The following DYNC1I1 variants were observed in gnomAD, a reference collection of about 807,000 sequenced individuals.
DYNC1I1 encodes the protein dynein cytoplasmic 1 intermediate chain 1.
A neutral mutation model predicts 86.6 loss-of-function variants in DYNC1I1; 43 were observed. The ratio of observed to expected loss-of-function variants is 0.50; its 90% CI spans 0.39 to 0.64. The LOEUF (loss-of-function observed/expected upper bound fraction) is 0.64. Among genes scored for constraint, DYNC1I1 ranks in the 30% least tolerant of loss-of-function variants. DYNC1I1 has a pLI of 0.00. For missense variants in DYNC1I1, 604 were observed against 788.8 expected, an observed-to-expected ratio of 0.77 and a Z score of 2.81; for synonymous variants, 262 against 283.7, an observed-to-expected ratio of 0.92 and a Z score of 0.77.
At chr7:95,872,680 T>C (rs1193710256) in intron 6 of DYNC1I1, among the ~76,000 whole-genome samples, 1 of 152,208 alleles carries the variant, frequency 6.6e-6, no homozygotes, top group Non-Finnish European at 1.5e-5. Context: ...TGAATACTGT[T>C]CTTTCAACAA....
At chr7:95,918,104 C>T (rs1046279715) in intron 6 of DYNC1I1, among the ~76,000 whole-genome samples, 4 of 152,136 alleles carry the variant, frequency 2.6e-5, no homozygotes, top group African/African-American at 9.7e-5. Flanking sequence ...TGCTGGGTGG[C>T]CTTCAGGAGG....
intron 1 of DYNC1I1, among the ~76,000 whole-genome samples, chr7:95,803,080 G>A (rs1424993679): frequency 6.6e-6 from 1 of 152,228 alleles, no homozygotes; most frequent in Admixed American, 6.5e-5. Context: ...GCACGGACAA[G>A]CTTGAATTTA....
intron 16 of DYNC1I1, among the ~76,000 whole-genome samples, chr7:96,107,622 C>G (rs1442642121): frequency 6.6e-6 from 1 of 151,586 alleles, no homozygotes; most frequent in Non-Finnish European, 1.5e-5. Flanking sequence ...ATCTCCACCT[C>G]CTGGGTTCAA....
intron 4 of DYNC1I1, among the ~76,000 whole-genome samples, chr7:95,814,660 T>A (rs931764838): frequency 4.6e-5 from 7 of 152,110 alleles, no homozygotes; most frequent in African/African-American, 1.4e-4. Flanking sequence ...GCTGTAGGGT[T>A]TTTTTGCTTT....
In DYNC1I1 at chr7:96,098,250, T is replaced by C; in HGVS notation, c.*657T>C. 1 of 985,902 alleles carries C rather than the reference T, an allele frequency of 1.0e-6. No individual in the cohort carries two copies. Among genetic ancestry groups the C allele is most frequent in the African/African-American group, 1.7e-5 (1 of 57,372 alleles). 61.1% of individuals were successfully genotyped at this position (985,902 alleles called of 1,614,324 possible). ...AGTTCCACTGAAGACATGAAATCTT[T>C]AGAGGTTTCTTGCAGTGAACGAAAT... On this transcript the variant is annotated 3_prime_UTR_variant, in exon 17 of 17. Transcript: ENST00000447467.
chr7:95,811,174 G>T (rs1221014444), intron 3 of DYNC1I1, among the ~76,000 whole-genome samples: 2 of 151,994 alleles, frequency 1.3e-5, no homozygotes, highest in Non-Finnish European at 2.9e-5. Context: ...TTGTGTTGAA[G>T]GTAACTTGTG....
chr7:96,032,715 C>G lies in DYNC1I1; in HGVS notation c.1165C>G (p.Leu389Val). Residue 389 changes from leucine (L) to valine (V), a missense_variant, in exon 12 of 17, where the codon CTC becomes GTC. Physicochemically the swap from Leu to Val is conservative, Grantham distance 32 (BLOSUM62 1). Transcript: ENST00000447467. Reference protein sequence around the residue: ...NVVGTQNAHNLITVSTDGKMC... With the variant: ...NVVGTQNAHNVITVSTDGKMC... ...TGTTGGGACCCAGAATGCTCATAACCTCATCACTGTCTCCACTGATGGCAA... is the reference window on the plus strand; with the variant it reads ...TGTTGGGACCCAGAATGCTCATAACGTCATCACTGTCTCCACTGATGGCAA... 1 of 1,613,750 alleles carries G rather than the reference C, an allele frequency of 6.2e-7. No individual in the cohort carries two copies. Among genetic ancestry groups the G allele is most frequent in the South Asian group, 1.1e-5 (1 of 91,060 alleles).
chr7:95,807,580 A>G (rs189774473), intron 2 of DYNC1I1, among the ~76,000 whole-genome samples: 1 of 152,242 alleles, frequency 6.6e-6, no homozygotes, highest in East Asian at 1.9e-4. Flanking sequence ...CTGATGGACT[A>G]CATTCTTTCT....
At chr7:95,894,452 T>G (rs1790824914) in intron 6 of DYNC1I1, among the ~76,000 whole-genome samples, 1 of 21,674 alleles carries the variant, frequency 4.6e-5, no homozygotes, top group Admixed American at 8.9e-4. Flanking sequence ...TTTCAATACC[T>G]GAATTTGGGG....
intron 1 of DYNC1I1, among the ~76,000 whole-genome samples, chr7:95,791,155 A>G: frequency 6.6e-6 from 1 of 152,178 alleles, no homozygotes; most frequent in East Asian, 1.9e-4. Context: ...TATTATTGAA[A>G]TTAAAATTAT....
chr7:96,016,172 C>A (rs936858880), intron 10 of DYNC1I1, among the ~76,000 whole-genome samples: 2 of 152,044 alleles, frequency 1.3e-5, no homozygotes, highest in African/African-American at 4.8e-5. Flanking sequence ...CCTATTCGTG[C>A]CAAATTATTT....
chr7:95,901,250 T>C (rs1221223126), intron 6 of DYNC1I1, among the ~76,000 whole-genome samples: 1 of 152,210 alleles, frequency 6.6e-6, no homozygotes, highest in African/African-American at 2.4e-5. Context: ...ACAGTTCTTT[T>C]GGAACCTGTT....
At chr7:95,784,452 T>C (rs1794075314) in intron 1 of DYNC1I1, among the ~76,000 whole-genome samples, 1 of 152,092 alleles carries the variant, frequency 6.6e-6, no homozygotes, top group Non-Finnish European at 1.5e-5. Context: ...AAGCTCATCT[T>C]GGTAGATGCT....
chr7:96,108,010 T>G (rs1791245145), intron 16 of DYNC1I1, among the ~76,000 whole-genome samples: 1 of 152,134 alleles, frequency 6.6e-6, no homozygotes, highest in African/African-American at 2.4e-5. Context: ...TTGCTGCCTT[T>G]TCCCCAATCT....
intron 6 of DYNC1I1, among the ~76,000 whole-genome samples, chr7:95,944,804 A>G (rs182678326): frequency 0.017 from 2,544 of 146,298 alleles, 46 homozygotes; most frequent in South Asian, 0.1. Flanking sequence ...ATTCTCACTC[A>G]TAGGTGGGAA....
chr7:95,952,408 T>A (rs1341181652), intron 6 of DYNC1I1, among the ~76,000 whole-genome samples: 1 of 152,158 alleles, frequency 6.6e-6, no homozygotes, highest in Non-Finnish European at 1.5e-5. Flanking sequence ...ACAGAAATCT[T>A]GAAAATGCCA....
intron 10 of DYNC1I1, among the ~76,000 whole-genome samples, chr7:96,004,923 C>T (rs969958701): frequency 6.6e-6 from 1 of 152,122 alleles, no homozygotes; most frequent in African/African-American, 2.4e-5. Context: ...GAAACCCTAT[C>T]CTGTCTATCA....
Position 96,107,943 on chromosome 7 carries a change from C to T in DYNC1I1, c.1543-2036C>T, listed in dbSNP as rs185764809. On this transcript the variant is annotated intron_variant, in intron 16 of 16. Transcript: ENST00000537881. ...GCCTTCCGGCCTCAATGATTTCTGA[C>T]TAAACCAACTATTAATCTTATTGAG... 2.1e-5 allele frequency among the ~76,000 whole-genome samples: 3 copies of T among 143,174 alleles called. No individual in the cohort carries two copies. The East Asian group carries it at 6.4e-4, about 31-fold the overall frequency. The allele number at this position is 143,174 out of a possible 152,430, so 93.9% of individuals were successfully genotyped here.
intron 14 of DYNC1I1, among the ~76,000 whole-genome samples, chr7:96,072,175 C>A (rs572214869): frequency 2.2e-4 from 33 of 152,230 alleles, no homozygotes; most frequent in Non-Finnish European, 3.2e-4. Flanking sequence ...CCCTTCATGT[C>A]TGCCTGGGAG....
Sources: gnomAD v4.1 joint callset for allele counts (sites outside exome capture counted in the v4.1 genomes callset) on GRCh38, gnomAD v4.1.1 for gene constraint, MANE v1.5 for transcripts, NCBI Gene and HGNC (gene_info 2026-07-23, HGNC 2026-07-21) for gene names.